Variants in ROCK1 observed in about 807,000 individuals in gnomAD.
The protein encoded by ROCK1 is Rho associated coiled-coil containing protein kinase 1.
Under a neutral mutation model 196.8 loss-of-function variants are expected in ROCK1, and 36 were observed. The ratio of observed to expected loss-of-function variants is 0.18; its 90% CI spans 0.14 to 0.24. The LOEUF (loss-of-function observed/expected upper bound fraction) is 0.24. Ranked by LOEUF, ROCK1 falls within the 10% of genes least tolerant of loss-of-function variation. ROCK1 has a pLI of 1.00. For synonymous variants in ROCK1, 443 were observed against 515.9 expected (o/e 0.86, Z 1.91); for missense variants, 920 against 1,562.0 (o/e 0.59, Z 6.93).
intron 11 of ROCK1, 84 bp downstream of exon 11, chr18:21,023,536 T>C (rs2035931718): frequency 2.9e-6 from 2 of 683,588 alleles, no homozygotes; most frequent in Non-Finnish European, 4.7e-6. Context: ...ACAAACAATA[T>C]ATAAATTTAC....
intron 9 of ROCK1, among the ~76,000 whole-genome samples, chr18:21,038,049 T>C (rs1264245623): frequency 2.6e-5 from 4 of 152,170 alleles, no homozygotes; most frequent in African/African-American, 9.6e-5. Context: ...AATATTATTT[T>C]GTATTTTCTT....
At chr18:21,018,359 G>A (rs559692339) in intron 12 of ROCK1, among the ~76,000 whole-genome samples, 10 of 151,802 alleles carry the variant, frequency 6.6e-5, no homozygotes, top group South Asian at 4.2e-4. Flanking sequence ...GTGAAATCCC[G>A]TCTCTACTAA....
intron 18 of ROCK1, 147 bp downstream of exon 18, chr18:20,991,029 G>A: frequency 1.7e-6 from 1 of 582,080 alleles, no homozygotes; most frequent in Non-Finnish European, 2.9e-6. Context: ...CAAAGTGATG[G>A]GATTACAGGC....
chr18:21,019,779 C>CAG (rs1392084598), intron 12 of ROCK1, among the ~76,000 whole-genome samples: 1 of 146,936 alleles, frequency 6.8e-6, no homozygotes, highest in African/African-American at 2.5e-5. Flanking sequence ...GCCTGGACGA[C>CAG]AGAGCGAGAC....
intron 22 of ROCK1, among the ~76,000 whole-genome samples, chr18:20,973,236 C>G (rs1259382530): frequency 4.6e-5 from 7 of 151,888 alleles, no homozygotes; most frequent in Admixed American, 3.3e-4. Context: ...ATGATAATGA[C>G]TACAAAAAGG....
intron 16 of ROCK1, among the ~76,000 whole-genome samples, chr18:20,998,792 T>C (rs1598522660): frequency 6.6e-6 from 1 of 151,816 alleles, no homozygotes; most frequent in Admixed American, 6.6e-5. Flanking sequence ...TTAGTACAGA[T>C]GGGGTTTCTC....
intron 9 of ROCK1, among the ~76,000 whole-genome samples, chr18:21,036,537 T>C (rs1478491009): frequency 6.6e-6 from 1 of 152,218 alleles, no homozygotes; most frequent in Non-Finnish European, 1.5e-5. Context: ...CTTGAACTCC[T>C]GGGCTCAGGT....
rs1307565218 is a variant in ROCK1 at position 21,111,103 on chromosome 18, C to T, written c.-193G>A. 6.8e-6 allele frequency: 4 copies of T among 584,670 alleles called. No individual in the cohort carries two copies. Among genetic ancestry groups the T allele is most frequent in the South Asian group, 4.0e-5 (2 of 49,422 alleles). The allele number at this position is 584,670 out of a possible 1,614,324, so 36.2% of individuals were successfully genotyped here. ...TCTCCAGACCCCGGGCCGGGGGCAA[C>T]AGCGACCCACAGCCGCTCGGACGCC... On this transcript the variant is annotated 5_prime_UTR_variant, in exon 1 of 33. Transcript: ENST00000399799. The surrounding 1 kb of genome is among the most constrained non-coding windows in gnomAD (Gnocchi z 4.2).
intron 1 of ROCK1, among the ~76,000 whole-genome samples, chr18:21,078,723 G>A (rs1290690266): frequency 6.6e-6 from 1 of 152,172 alleles, no homozygotes. Context: ...TGACCACATT[G>A]ATAACAGCTA....
At chr18:20,959,109 AT>A (rs2035293632) in intron 29 of ROCK1, among the ~76,000 whole-genome samples, 1 of 51,426 alleles carries the variant, frequency 1.9e-5, no homozygotes, top group African/African-American at 1.2e-4. Flanking sequence ...TATATTATAT[AT>A]ATATTATATA....
chr18:21,090,609 G>A (rs903875232), intron 1 of ROCK1, among the ~76,000 whole-genome samples: 2 of 152,058 alleles, frequency 1.3e-5, no homozygotes, highest in Non-Finnish European at 2.9e-5. Flanking sequence ...GTTATCCCCC[G>A]GATAGGTACA....
At chr18:21,019,533 C>T (rs1328573301) in intron 12 of ROCK1, among the ~76,000 whole-genome samples, 1 of 152,024 alleles carries the variant, frequency 6.6e-6, no homozygotes, top group Non-Finnish European at 1.5e-5. Context: ...GTGGCTCACA[C>T]CTGTAATCCC....
chr18:21,043,227 A>G (rs368819494), intron 6 of ROCK1, among the ~76,000 whole-genome samples: 2 of 152,302 alleles, frequency 1.3e-5, no homozygotes, highest in East Asian at 3.9e-4. Flanking sequence ...AAAGAAACAT[A>G]CAAAAGCTGA....
In ROCK1 at chr18:20,974,708, G is replaced by T. The variant is rs138884259; in HGVS notation, c.2655-4195C>A. Among the ~76,000 whole-genome samples, 34 of 152,106 alleles carry T rather than the reference G, an allele frequency of 2.2e-4. No individual in the cohort carries two copies. The East Asian group carries it at 6.2e-3, about 28-fold the overall frequency. On this transcript the variant is annotated intron_variant, in intron 22 of 32. Coordinates refer to ENST00000399799, the MANE Select transcript of ROCK1 (RefSeq NM_005406.3). ...TAATCAATAATTCCATATTCTTCTG[G>T]ATTATAAGATTATAAAGAATGGCTT...
chr18:21,058,682 C>A (rs886317300), intron 2 of ROCK1, among the ~76,000 whole-genome samples: 1 of 152,096 alleles, frequency 6.6e-6, no homozygotes, highest in African/African-American at 2.4e-5. Flanking sequence ...GGAGTTCAAG[C>A]GATTCTCCCA....
chr18:21,104,650 T>TC (rs201431099), intron 1 of ROCK1, among the ~76,000 whole-genome samples: 2,262 of 152,072 alleles, frequency 0.015, 28 homozygotes, highest in Middle Eastern at 0.031. Flanking sequence ...CTGAGCCACG[T>TC]CTCTACACAC....
At position 21,110,940 on chromosome 18, in the gene ROCK1, C is replaced by A. The variant is rs1568413274; in HGVS notation, c.-30G>T. ...CTGCTGCTGTGACAATGCCCTCTTACCAGCACCAGCAGCGGAAAGCAATTT... is the reference window on the plus strand; with the variant it reads ...CTGCTGCTGTGACAATGCCCTCTTAACAGCACCAGCAGCGGAAAGCAATTT... On this transcript the variant is annotated 5_prime_UTR_variant, in exon 1 of 33. Transcript: ENST00000399799. 1.3e-6 allele frequency: 2 copies of A among 1,560,054 alleles called. No individual in the cohort carries two copies. Among genetic ancestry groups the A allele is most frequent in the Non-Finnish European group, 1.8e-6 (2 of 1,131,744 alleles).
chr18:20,971,663 CAAAAATAAATAA>C (rs1181148441), intron 22 of ROCK1, among the ~76,000 whole-genome samples: 3 of 114,878 alleles, frequency 2.6e-5, no homozygotes, highest in Non-Finnish European at 5.3e-5. Context: ...GACTCCGTCT[CAAAAATAAATAA>C]ATAAATAAAT....
At chr18:21,036,590 C>G (rs2036059419) in intron 9 of ROCK1, among the ~76,000 whole-genome samples, 1 of 152,054 alleles carries the variant, frequency 6.6e-6, no homozygotes, top group Admixed American at 6.6e-5. Flanking sequence ...AACATAGGTG[C>G]ATGCCATCAC....
Sources: allele counts gnomAD v4.1 joint callset (sites outside exome capture counted in the v4.1 genomes callset), GRCh38; gene constraint gnomAD v4.1.1; non-coding constraint Gnocchi (gnomAD v3.1); transcripts MANE v1.5; gene names NCBI Gene and HGNC (gene_info 2026-07-23, HGNC 2026-07-21).